Variants in CAMTA1 observed in about 807,000 individuals in gnomAD.
The protein encoded by CAMTA1 is calmodulin-binding transcription activator 1.
CAMTA1 carries 27 observed loss-of-function variants against 170.9 expected under a neutral mutation model. The observed-to-expected ratio is 0.16, with a 90% confidence interval of 0.12 to 0.22. The LOEUF (loss-of-function observed/expected upper bound fraction) is 0.22, where lower values mean the gene tolerates loss of function less well. Ranked by LOEUF, CAMTA1 falls within the 10% of genes least tolerant of loss-of-function variation. The pLI is 1.00. For synonymous variants in CAMTA1, 833 were observed against 891.5 expected, an observed-to-expected ratio of 0.93 and a Z score of 1.17; for missense variants, 1,619 against 2,217.2, an observed-to-expected ratio of 0.73 and a Z score of 5.42.
At chr1:6,995,792 CA>C (rs144181980) in intron 3 of CAMTA1, among the ~76,000 whole-genome samples, 2,978 of 152,200 alleles carry the variant, frequency 0.02, 78 homozygotes, top group African/African-American at 0.067. Flanking sequence ...GTGGAGGGAG[CA>C]AGGAGAAGTA....
intron 1 of CAMTA1, among the ~76,000 whole-genome samples, chr1:6,811,050 C>G (rs917158614): frequency 6.6e-6 from 1 of 152,178 alleles, no homozygotes; most frequent in African/African-American, 2.4e-5. Flanking sequence ...TGCCCTTTGT[C>G]TTCATGTGCC....
intron 5 of CAMTA1, among the ~76,000 whole-genome samples, chr1:7,267,743 C>T (rs1669141230): frequency 6.6e-6 from 1 of 152,120 alleles, no homozygotes; most frequent in African/African-American, 2.4e-5. Flanking sequence ...GCTGAGATGG[C>T]AAAGGGATTG....
At chr1:7,600,242 T>C (rs1354116696) in intron 6 of CAMTA1, among the ~76,000 whole-genome samples, 1 of 152,192 alleles carries the variant, frequency 6.6e-6, no homozygotes, top group East Asian at 1.9e-4. Context: ...CTGGATTATG[T>C]TTGTTGATTT....
chr1:7,411,272 C>A (rs1293631882), intron 5 of CAMTA1, among the ~76,000 whole-genome samples: 1 of 152,054 alleles, frequency 6.6e-6, no homozygotes, highest in African/African-American at 2.4e-5. Context: ...AGCAGGGGTC[C>A]CCCTCTTTGG....
intron 3 of CAMTA1, among the ~76,000 whole-genome samples, chr1:6,899,070 G>T (rs960636542): frequency 1.3e-5 from 2 of 152,210 alleles, no homozygotes; most frequent in South Asian, 2.1e-4. Flanking sequence ...GCTTCTTCAG[G>T]GTGGGGAGGG....
intron 3 of CAMTA1, among the ~76,000 whole-genome samples, chr1:6,845,923 T>G (rs1244716337): frequency 6.6e-6 from 1 of 152,218 alleles, no homozygotes; most frequent in Admixed American, 6.5e-5. Flanking sequence ...TCCACATGGC[T>G]GGGGAGGCCT....
chr1:7,694,791 CA>C (rs1373113437), intron 11 of CAMTA1: 1 of 152,418 alleles, frequency 6.6e-6, no homozygotes, highest in East Asian at 1.9e-4. Flanking sequence ...TCTTCTCCAA[CA>C]AGACCTCTCT....
At chr1:7,607,141 A>G (rs2095492276) in intron 6 of CAMTA1, among the ~76,000 whole-genome samples, 1 of 150,610 alleles carries the variant, frequency 6.6e-6, no homozygotes, top group Non-Finnish European at 1.5e-5. Context: ...GGATGGATGG[A>G]TGGATGGATG....
At chr1:7,758,800 T>C (rs900269813) in intron 22 of CAMTA1, among the ~76,000 whole-genome samples, 3 of 151,884 alleles carry the variant, frequency 2.0e-5, no homozygotes, top group African/African-American at 7.3e-5. Context: ...CCGGTTGCGG[T>C]GGCGGGCGCC....
At chr1:6,838,907 A>ACACC (rs1654465972) in intron 3 of CAMTA1, among the ~76,000 whole-genome samples, 1 of 151,988 alleles carries the variant, frequency 6.6e-6, no homozygotes, top group South Asian at 2.1e-4. Flanking sequence ...CAGGCATGGG[A>ACACC]CACCATGCCT....
intron 6 of CAMTA1, among the ~76,000 whole-genome samples, chr1:7,539,950 ACCTTGCAGACTTCTGTTCCT>A (rs2150099416): frequency 6.6e-6 from 1 of 152,312 alleles, no homozygotes; most frequent in African/African-American, 2.4e-5. Flanking sequence ...TGCATGGATC[ACCTTGCAGACTTCTGTTCCT>A]CCTTCAGAGC....
At chr1:6,797,614 C>T (rs769930444) in intron 1 of CAMTA1, among the ~76,000 whole-genome samples, 3 of 151,438 alleles carry the variant, frequency 2.0e-5, no homozygotes, top group African/African-American at 7.3e-5. Flanking sequence ...CTCAAACTCC[C>T]GACCTCAGCT....
intron 1 of CAMTA1, among the ~76,000 whole-genome samples, chr1:6,795,403 A>C (rs952771852): frequency 6.6e-6 from 1 of 151,686 alleles, no homozygotes; most frequent in Non-Finnish European, 1.5e-5. Context: ...TGTATTGCCC[A>C]GGCTGGTCTT....
chr1:7,407,928 A>C (rs776655335), intron 5 of CAMTA1, among the ~76,000 whole-genome samples: 1 of 152,150 alleles, frequency 6.6e-6, no homozygotes, highest in Non-Finnish European at 1.5e-5. Flanking sequence ...AGGTTCTCCC[A>C]AGCCCACTGG....
At chr1:7,438,698 G>A (rs187605045) in intron 5 of CAMTA1, among the ~76,000 whole-genome samples, 273 of 152,338 alleles carry the variant, frequency 1.8e-3, no homozygotes, top group Middle Eastern at 6.8e-3. Flanking sequence ...GAAGCAGGCA[G>A]AGGGGGTCCC....
At chr1:6,914,903 GAC>G (rs1680466359) in intron 3 of CAMTA1, among the ~76,000 whole-genome samples, 1 of 152,178 alleles carries the variant, frequency 6.6e-6, no homozygotes. Flanking sequence ...CACCAGTAAA[GAC>G]ACACTGTACT....
chr1:7,168,940 CTCTT>C (rs754909086), intron 4 of CAMTA1, among the ~76,000 whole-genome samples: 30 of 152,122 alleles, frequency 2.0e-4, no homozygotes, highest in Non-Finnish European at 4.0e-4. Flanking sequence ...ATAGTATAAA[CTCTT>C]TATTAGATCA....
intron 4 of CAMTA1, among the ~76,000 whole-genome samples, chr1:7,118,192 T>G (rs1490347822): frequency 6.6e-6 from 1 of 152,104 alleles, no homozygotes; most frequent in Admixed American, 6.6e-5. Flanking sequence ...CAGCCACTGT[T>G]CTTCTTGTCA....
At chr1:6,942,481 G>T (rs1432353516) in intron 3 of CAMTA1, among the ~76,000 whole-genome samples, 1 of 151,908 alleles carries the variant, frequency 6.6e-6, no homozygotes, top group Non-Finnish European at 1.5e-5. Context: ...AACATAGTGA[G>T]ACCCCTATTT....
Sources: allele counts gnomAD v4.1 joint callset (sites outside exome capture counted in the v4.1 genomes callset), GRCh38; gene constraint gnomAD v4.1.1; transcripts MANE v1.5; gene names NCBI Gene and HGNC (gene_info 2026-07-23, HGNC 2026-07-21).